ADGRL3: variants seen among roughly 807,000 people sequenced by gnomAD.
The protein encoded by ADGRL3 is calcium-independent alpha-latrotoxin receptor 3.
A neutral mutation model predicts 153.5 loss-of-function variants in ADGRL3; 62 were observed. That is an observed-to-expected ratio of 0.40 (90% CI 0.33 to 0.50). The LOEUF is 0.50. Ranked by LOEUF, ADGRL3 falls within the 20% of genes least tolerant of loss-of-function variation. The pLI is 0.47. For missense variants in ADGRL3, 1,641 were observed against 1,859.4 expected, an observed-to-expected ratio of 0.88 and a Z score of 2.16; for synonymous variants, 710 against 672.5, an observed-to-expected ratio of 1.06 and a Z score of -0.86.
At chr4:61,756,283 C>A (rs1302770877) in intron 8 of ADGRL3, among the ~76,000 whole-genome samples, 2 of 152,158 alleles carry the variant, frequency 1.3e-5, no homozygotes, top group Non-Finnish European at 2.9e-5. Context: ...ATTGTATTCT[C>A]TTTTATTTCA....
chr4:61,584,389 C>T (rs1008928187), intron 4 of ADGRL3, among the ~76,000 whole-genome samples: 1 of 151,896 alleles, frequency 6.6e-6, no homozygotes, highest in East Asian at 1.9e-4. Flanking sequence ...AAAATTTGGA[C>T]CCCGACATTT....
chr4:61,426,449 G>T (rs979660761), intron 2 of ADGRL3, among the ~76,000 whole-genome samples: 1 of 152,042 alleles, frequency 6.6e-6, no homozygotes, highest in African/African-American at 2.4e-5. Context: ...TCGGGAATGG[G>T]GGGGTGCCCC....
intron 8 of ADGRL3, among the ~76,000 whole-genome samples, chr4:61,758,582 A>G (rs4623040): frequency 6.6e-6 from 1 of 151,844 alleles, no homozygotes; most frequent in African/African-American, 2.4e-5. Context: ...TCTCTGCATA[A>G]GAGATGGGTT....
At chr4:62,055,630 CTT>C (rs1219543837) in intron 25 of ADGRL3, among the ~76,000 whole-genome samples, 1 of 151,594 alleles carries the variant, frequency 6.6e-6, no homozygotes, top group African/African-American at 2.4e-5. Flanking sequence ...GATTTTAAAA[CTT>C]ATGTAACTTT....
intron 4 of ADGRL3, among the ~76,000 whole-genome samples, chr4:61,527,600 G>A (rs73822617): frequency 0.021 from 3,269 of 152,204 alleles, 106 homozygotes; most frequent in East Asian, 0.15. Context: ...AACTGTGAAT[G>A]CCCCTTAGGT....
intron 5 of ADGRL3, among the ~76,000 whole-genome samples, chr4:61,587,912 G>A (rs2098953123): frequency 6.6e-6 from 1 of 151,850 alleles, no homozygotes; most frequent in East Asian, 1.9e-4. Flanking sequence ...GTTGGCCTTG[G>A]AAAATAATTT....
intron 21 of ADGRL3, among the ~76,000 whole-genome samples, chr4:62,026,937 A>T (rs1718981275): frequency 6.6e-6 from 1 of 152,086 alleles, no homozygotes. Context: ...GATACACATA[A>T]TGAAATGTAT....
chr4:61,900,545 A>G (rs545620970), intron 11 of ADGRL3, among the ~76,000 whole-genome samples: 2 of 152,292 alleles, frequency 1.3e-5, no homozygotes, highest in East Asian at 3.9e-4. Flanking sequence ...GAGATTTAAT[A>G]AAAAACATAA....
At chr4:61,989,710 C>A (rs768594560) in intron 19 of ADGRL3, among the ~76,000 whole-genome samples, 33 of 151,852 alleles carry the variant, frequency 2.2e-4, no homozygotes, top group Non-Finnish European at 8.8e-5. Context: ...TCATCAGGAC[C>A]ACTGTGCTGT....
intron 2 of ADGRL3, among the ~76,000 whole-genome samples, chr4:61,491,659 A>G (rs2098259166): frequency 6.6e-6 from 1 of 152,080 alleles, no homozygotes; most frequent in Non-Finnish European, 1.5e-5. Flanking sequence ...GCCTCAAGCA[A>G]TATTCCCCGC....
In ADGRL3 at chr4:61,948,088, T is replaced by C; in HGVS notation, c.2629-12T>C. On this transcript the variant is annotated splice_polypyrimidine_tract_variant and intron_variant, in intron 16 of 26. Transcript: ENST00000683033. ...GTAGTTGTTGATTTTATGGATTTTTTTTCCCCTGTAGCAGTCAGAGGAAAA... is the reference window on the plus strand; with the variant it reads ...GTAGTTGTTGATTTTATGGATTTTTCTTCCCCTGTAGCAGTCAGAGGAAAA... 1 of 1,594,802 alleles carries C rather than the reference T, an allele frequency of 6.3e-7. No individual in the cohort carries two copies. The highest frequency in any genetic ancestry group is 1.7e-4 in the Middle Eastern group (1 of 5,934).
At chr4:61,855,619 C>G (rs374744376) in intron 9 of ADGRL3, among the ~76,000 whole-genome samples, 1 of 152,036 alleles carries the variant, frequency 6.6e-6, no homozygotes, top group South Asian at 2.1e-4. Context: ...TTTCTGATAT[C>G]AGCATGCTGT....
At chr4:61,993,517 C>G (rs1458197103) in intron 19 of ADGRL3, among the ~76,000 whole-genome samples, 1 of 151,742 alleles carries the variant, frequency 6.6e-6, no homozygotes, top group Non-Finnish European at 1.5e-5. Flanking sequence ...GTCTCGAACT[C>G]CTGACCTCAA....
chr4:61,223,963 A>G (rs1436227111), intron 1 of ADGRL3, among the ~76,000 whole-genome samples: 2 of 152,212 alleles, frequency 1.3e-5, no homozygotes. Flanking sequence ...TGCTTAATTA[A>G]TCAACACTTT....
chr4:61,357,502 C>A (rs1409914245), intron 1 of ADGRL3, among the ~76,000 whole-genome samples: 2 of 152,028 alleles, frequency 1.3e-5, no homozygotes, highest in Non-Finnish European at 2.9e-5. Context: ...ATCAGTTTAC[C>A]TATTTTTACA....
At chr4:61,997,290 C>T (rs988908928) in intron 20 of ADGRL3, among the ~76,000 whole-genome samples, 3 of 149,848 alleles carry the variant, frequency 2.0e-5, no homozygotes, top group Non-Finnish European at 3.0e-5. Context: ...AGTGGAAAGA[C>T]CATGGACAGC....
At position 62,070,912 on chromosome 4, in the gene ADGRL3, A is replaced by G. The variant is rs1335447628; in HGVS notation, c.*4A>G. 1.3e-6 allele frequency: 2 copies of G among 1,533,734 alleles called. No homozygotes were observed. Among genetic ancestry groups the G allele is most frequent in the Non-Finnish European group, 1.8e-6 (2 of 1,137,920 alleles). On this transcript the variant is annotated 3_prime_UTR_variant, in exon 27 of 27. Coordinates refer to ENST00000683033, the MANE Select transcript of ADGRL3 (RefSeq NM_001387552.1). ...TCATTTGGTCACTAGTCTATAGAAG[A>G]TGACACAGAAATTGGAACCAACAAA...
Position 62,032,714 on chromosome 4 carries a change from A to G in ADGRL3, c.3591+1104A>G, listed in dbSNP as rs180933925. ...TTTAGAGACTGCTGGGACCAAAACA[A>G]GAAGTTGAAAAGAGTGTCCACTTGT... On this transcript the variant is annotated intron_variant, in intron 23 of 26. Coordinates refer to ENST00000683033, the MANE Select transcript of ADGRL3 (RefSeq NM_001387552.1). Among the ~76,000 whole-genome samples, 304 of 151,790 alleles carry G rather than the reference A, an allele frequency of 2.0e-3. 4 individuals carry two copies. Among genetic ancestry groups the G allele is most frequent in the Non-Finnish European group, 5.2e-4 (35 of 67,698 alleles).
intron 1 of ADGRL3, among the ~76,000 whole-genome samples, chr4:61,271,926 C>T (rs2093205163): frequency 6.6e-6 from 1 of 151,918 alleles, no homozygotes; most frequent in African/African-American, 2.4e-5. Context: ...ATGTTTAATG[C>T]AAAGCAAGAG....
Sources: allele counts gnomAD v4.1 joint callset (sites outside exome capture counted in the v4.1 genomes callset), GRCh38; gene constraint gnomAD v4.1.1; transcripts MANE v1.5; gene names NCBI Gene and HGNC (gene_info 2026-07-23, HGNC 2026-07-21).